The following ATP8B4 variants were observed in gnomAD, a reference collection of about 807,000 sequenced individuals.
ATP8B4 encodes probable phospholipid-transporting ATPase IM.
A neutral mutation model predicts 145.6 loss-of-function variants in ATP8B4; 133 were observed. The ratio of observed to expected loss-of-function variants is 0.91; its 90% CI spans 0.79 to 1.05. The LOEUF (loss-of-function observed/expected upper bound fraction) is 1.05. ATP8B4 is among the 50% of genes least tolerant of loss of function. The pLI, the probability that ATP8B4 is intolerant of heterozygous loss-of-function variation, is 0.00. For missense variants in ATP8B4, 1,458 were observed against 1,425.2 expected (o/e 1.02, Z -0.37); for synonymous variants, 507 against 492.9 (o/e 1.03, Z -0.38).
intron 9 of ATP8B4, among the ~76,000 whole-genome samples, chr15:49,991,013 C>A (rs1393362656): frequency 6.6e-6 from 1 of 152,126 alleles, no homozygotes; most frequent in Admixed American, 6.6e-5. Context: ...ACCCATCCAT[C>A]ATTACCACCA....
Position 50,010,438 on chromosome 15 carries a change from TA to T in ATP8B4, c.435+406del, listed in dbSNP as rs950624735. On this transcript the variant is annotated intron_variant, in intron 7 of 27. Transcript: ENST00000284509. The stretch of plus-strand genomic sequence containing the variant: ...ACATATCTTTTCTCTTTCTCTAGCT[TA>T]TTTTTTTTCAAATATACTGTAAATT... 9.2e-5 allele frequency among the ~76,000 whole-genome samples: 14 copies of T among 152,182 alleles called. No individual in the cohort carries two copies. The East Asian group carries it at 1.4e-3, about 15-fold the overall frequency.
At chr15:49,935,968 C>T (rs1244219350) in intron 14 of ATP8B4, among the ~76,000 whole-genome samples, 1 of 152,164 alleles carries the variant, frequency 6.6e-6, no homozygotes, top group Non-Finnish European at 1.5e-5. Flanking sequence ...CTCATCTCCT[C>T]TTCACTTCTC....
At position 49,860,070 on chromosome 15, in the gene ATP8B4, TTTAAG is replaced by T; in HGVS notation, c.*119_*123del. 1 of 1,225,836 alleles carries T rather than the reference TTTAAG, an allele frequency of 8.2e-7. No homozygotes were observed. The allele number at this position is 1,225,836 out of a possible 1,614,324, so 75.9% of individuals were successfully genotyped here. A position where few individuals can be genotyped will look rare whatever the true frequency, so the allele number is the denominator to read the frequency against. ...GGCACTGGCAGTTGTCTGCCGCAGA[TTTAAG>T]TTAAGTGAGGCAATCTGCCTGCCCC... is the stretch of plus-strand genomic sequence containing the variant. On this transcript the variant is annotated 3_prime_UTR_variant, in exon 28 of 28. Transcript: ENST00000284509.
At chr15:50,072,924 CTCTCT>C (rs1567305681) in intron 3 of ATP8B4, among the ~76,000 whole-genome samples, 175 of 10,534 alleles carry the variant, frequency 0.017, 9 homozygotes, top group Middle Eastern at 0.083. Context: ...TGCCCGGCCT[CTCTCT>C]CTCTCTCTCT....
chr15:50,130,346 C>T (rs187109762), intron 1 of ATP8B4, among the ~76,000 whole-genome samples: 1 of 152,140 alleles, frequency 6.6e-6, no homozygotes, highest in Non-Finnish European at 1.5e-5. Flanking sequence ...CTCAATTTCC[C>T]ACTGGTAGCA....
At chr15:50,148,116 T>G (rs899739905) in intron 1 of ATP8B4, among the ~76,000 whole-genome samples, 22 of 152,112 alleles carry the variant, frequency 1.4e-4, no homozygotes, top group African/African-American at 5.3e-4. Flanking sequence ...GAACACCACT[T>G]CTTTAGTGTT....
At chr15:49,894,450 T>TA (rs1405171379) in intron 23 of ATP8B4, among the ~76,000 whole-genome samples, 1 of 152,084 alleles carries the variant, frequency 6.6e-6, no homozygotes, top group Admixed American at 6.5e-5. Context: ...CTCCTCTGCG[T>TA]AAAAAAAGGT....
chr15:50,018,184 C>T (rs577938945), intron 6 of ATP8B4, among the ~76,000 whole-genome samples: 2 of 152,138 alleles, frequency 1.3e-5, no homozygotes, highest in African/African-American at 4.8e-5. Flanking sequence ...GACAGCGTTT[C>T]GCCATGTTGG....
intron 6 of ATP8B4, among the ~76,000 whole-genome samples, chr15:50,011,535 ACTGCACTG>A (rs1335301242): frequency 6.6e-6 from 1 of 152,130 alleles, no homozygotes; most frequent in African/African-American, 2.4e-5. Context: ...CAGTCAACCT[ACTGCACTG>A]CTTTCTGTGC....
At chr15:50,024,289 G>GA (rs68148740) in intron 6 of ATP8B4, among the ~76,000 whole-genome samples, 3 of 151,566 alleles carry the variant, frequency 2.0e-5, no homozygotes, top group Admixed American at 6.6e-5. Flanking sequence ...AGCCTAGAAA[G>GA]AAAAAAACCT....
chr15:50,090,006 T>A (rs1387296186), intron 2 of ATP8B4, among the ~76,000 whole-genome samples: 1 of 152,110 alleles, frequency 6.6e-6, no homozygotes, highest in Admixed American at 6.6e-5. Context: ...ATGTGGTACA[T>A]ATACATCATG....
intron 12 of ATP8B4, 79 bp downstream of exon 12, chr15:49,979,538 C>T (rs2413995): frequency 0.033 from 40,995 of 1,239,012 alleles, 838 homozygotes; most frequent in South Asian, 0.088. Context: ...TATTGCACTG[C>T]TGAAACTTTA....
chr15:50,138,803 CCT>C (rs1595638060), intron 1 of ATP8B4, among the ~76,000 whole-genome samples: 1 of 152,192 alleles, frequency 6.6e-6, no homozygotes, highest in Non-Finnish European at 1.5e-5. Flanking sequence ...GCCACTTTCT[CCT>C]AGTCTTACAC....
At chr15:50,066,094 C>G (rs1378606119) in intron 3 of ATP8B4, among the ~76,000 whole-genome samples, 1 of 149,534 alleles carries the variant, frequency 6.7e-6, no homozygotes, top group East Asian at 1.9e-4. Context: ...ACTATTTAAA[C>G]AAATCAGATG....
chr15:49,896,490 T>A (rs1181844978), intron 23 of ATP8B4: 2 of 152,244 alleles, frequency 1.3e-5, no homozygotes, highest in Non-Finnish European at 2.9e-5. Context: ...ATGTCATTGA[T>A]TAAACCCAAA....
At chr15:50,013,686 A>G (rs1311240645) in intron 6 of ATP8B4, among the ~76,000 whole-genome samples, 2 of 152,188 alleles carry the variant, frequency 1.3e-5, no homozygotes, top group Non-Finnish European at 2.9e-5. Context: ...ACCATAAAAC[A>G]TACGGAGTTT....
intron 23 of ATP8B4, among the ~76,000 whole-genome samples, chr15:49,886,287 G>A (rs996479459): frequency 6.6e-6 from 1 of 151,994 alleles, no homozygotes; most frequent in African/African-American, 2.4e-5. Context: ...TGGTTTCCTA[G>A]GCTATAAAAT....
chr15:49,921,060 T>G lies in ATP8B4; in HGVS notation c.1759-650A>C, dbSNP rs546744048. Among the ~76,000 whole-genome samples the G allele has an allele frequency of 1.6e-4, 25 of 152,306 alleles. No homozygotes were observed. The East Asian group carries it at 4.8e-3, about 29-fold the overall frequency. ...TCAGATATTAGAAGTTTAAGCATAT[T>G]ACTTAAGGTTATAACAATAACCTCT... is the stretch of plus-strand genomic sequence containing the variant. On this transcript the variant is annotated intron_variant, in intron 17 of 27. Coordinates refer to ENST00000284509, the MANE Select transcript of ATP8B4 (RefSeq NM_024837.4).
At chr15:49,937,853 C>G (rs1480129233) in intron 14 of ATP8B4, among the ~76,000 whole-genome samples, 1 of 152,096 alleles carries the variant, frequency 6.6e-6, no homozygotes, top group African/African-American at 2.4e-5. Flanking sequence ...AACATTTATT[C>G]ATCAAATATT....
Sources: gnomAD v4.1 joint callset for allele counts (sites outside exome capture counted in the v4.1 genomes callset) on GRCh38, gnomAD v4.1.1 for gene constraint, MANE v1.5 for transcripts, NCBI Gene and HGNC (gene_info 2026-07-23, HGNC 2026-07-21) for gene names.